Variants in FRS2 observed in about 807,000 individuals in gnomAD.
FRS2 encodes FGFR signalling adaptor.
A neutral mutation model predicts 43.9 loss-of-function variants in FRS2; 8 were observed. The ratio of observed to expected loss-of-function variants is 0.18; its 90% CI spans 0.11 to 0.33. The LOEUF (loss-of-function observed/expected upper bound fraction) is 0.33. Ranked by LOEUF, FRS2 falls within the 10% of genes least tolerant of loss-of-function variation. The probability of loss-of-function intolerance (pLI) is 1.00; values close to 1 mark genes in which losing one functional copy is unlikely to be tolerated. For synonymous variants in FRS2, 219 were observed against 220.3 expected (o/e 0.99, Z 0.05); for missense variants, 534 against 627.6 (o/e 0.85, Z 1.59).
In FRS2 at chr12:69,489,763, A is replaced by G. The variant is rs182569859; in HGVS notation, c.-261+19233A>G. 9.3e-5 allele frequency among the ~76,000 whole-genome samples: 14 copies of G among 149,908 alleles called. No individual in the cohort carries two copies. In the East Asian group the frequency reaches 2.7e-3, roughly 29 times the overall value. ...AGATATGTAAATATCACATATTCTG[A>G]GGTGTTTTTTATATCCTGTTTTCTT... On this transcript the variant is annotated intron_variant, in intron 1 of 8. Transcript: ENST00000549921.
At chr12:69,520,938 T>A (rs181154220) in intron 1 of FRS2, among the ~76,000 whole-genome samples, 1 of 152,204 alleles carries the variant, frequency 6.6e-6, no homozygotes, top group African/African-American at 2.4e-5. Context: ...ATTAAAAAAT[T>A]TTTTTTTCTA....
rs1250970305 is a variant in FRS2 at position 69,470,459 on chromosome 12, A to T, written c.-332A>T. 3.8e-5 allele frequency: 15 copies of T among 398,470 alleles called. No homozygotes were observed. Among genetic ancestry groups the T allele is most frequent in the Non-Finnish European group, 6.6e-5 (15 of 226,066 alleles). The allele number at this position is 398,470 out of a possible 1,614,324, so 24.7% of individuals were successfully genotyped here. ...TCGATCTGCTCCAAGTAGGGGCTCC[A>T]GCGCGGGTCGGAGTCTGGGGGTTCG... On this transcript the variant is annotated 5_prime_UTR_variant, in exon 1 of 9. Transcript: ENST00000549921.
At chr12:69,549,508 A>G (rs1055545385) in intron 3 of FRS2, among the ~76,000 whole-genome samples, 1 of 152,154 alleles carries the variant, frequency 6.6e-6, no homozygotes, top group Non-Finnish European at 1.5e-5. Context: ...TTTTGTTTTT[A>G]GAGACAACAT....
intron 3 of FRS2, among the ~76,000 whole-genome samples, chr12:69,555,392 A>G (rs912960012): frequency 3.3e-5 from 5 of 152,134 alleles, no homozygotes; most frequent in African/African-American, 9.7e-5. Flanking sequence ...TGTCTTTGTC[A>G]TTAAATAGCT....
chr12:69,550,451 G>C (rs1257952610), intron 3 of FRS2, among the ~76,000 whole-genome samples: 1 of 152,204 alleles, frequency 6.6e-6, no homozygotes, highest in Non-Finnish European at 1.5e-5. Flanking sequence ...ATTCAGAGAA[G>C]TTAAGTAAGA....
At chr12:69,565,265 C>T (rs911114362) in intron 4 of FRS2, among the ~76,000 whole-genome samples, 19 of 152,182 alleles carry the variant, frequency 1.2e-4, no homozygotes, top group African/African-American at 4.1e-4. Flanking sequence ...GTATAAGGCA[C>T]TTGCCGTGGA....
At position 69,518,477 on chromosome 12, in the gene FRS2, G is replaced by A. The variant is rs557209252; in HGVS notation, c.-260-12388G>A. ...AATCCTAGCACTTTGGGAGGCCGAG[G>A]TGGCAGATTGCTTGAGCTCAGGAGT... On this transcript the variant is annotated intron_variant, in intron 1 of 8. Transcript: ENST00000549921. 9.9e-5 allele frequency among the ~76,000 whole-genome samples: 15 copies of A among 152,130 alleles called. No individual in the cohort carries two copies. The South Asian group carries it at 2.7e-3, about 27-fold the overall frequency.
intron 3 of FRS2, among the ~76,000 whole-genome samples, chr12:69,547,829 A>G (rs1393969881): frequency 1.1e-5 from 1 of 92,274 alleles, no homozygotes; most frequent in Non-Finnish European, 2.0e-5. Flanking sequence ...ATCCATTAAT[A>G]CTTTTTTTTT....
chr12:69,507,814 C>T (rs535292856), intron 1 of FRS2, among the ~76,000 whole-genome samples: 1 of 151,906 alleles, frequency 6.6e-6, no homozygotes, highest in Non-Finnish European at 1.5e-5. Context: ...CACCTTAGGT[C>T]GAAAGTTCAA....
intron 1 of FRS2, among the ~76,000 whole-genome samples, chr12:69,526,810 G>A (rs1010419159): frequency 2.6e-5 from 4 of 151,482 alleles, no homozygotes; most frequent in Admixed American, 6.6e-5. Context: ...TGCAATCTCC[G>A]CCTCCCAGGT....
chr12:69,490,782 A>G (rs539956190), intron 1 of FRS2, among the ~76,000 whole-genome samples: 4 of 152,334 alleles, frequency 2.6e-5, no homozygotes, highest in Non-Finnish European at 5.9e-5. Context: ...ACTTTTCACT[A>G]AAGAAATAAG....
At chr12:69,564,646 T>A (rs1880136437) in intron 4 of FRS2, among the ~76,000 whole-genome samples, 1 of 152,204 alleles carries the variant, frequency 6.6e-6, no homozygotes, top group Non-Finnish European at 1.5e-5. Flanking sequence ...AATTTATTCT[T>A]TTCTTCTTCA....
chr12:69,570,748 G>T (rs1406653434), intron 6 of FRS2, among the ~76,000 whole-genome samples: 2 of 152,120 alleles, frequency 1.3e-5, no homozygotes, highest in African/African-American at 4.8e-5. Context: ...GTAAATGATT[G>T]GGTCAGCTAA....
chr12:69,520,304 C>A (rs1212909715), intron 1 of FRS2, among the ~76,000 whole-genome samples: 1 of 150,976 alleles, frequency 6.6e-6, no homozygotes, highest in Non-Finnish European at 1.5e-5. Context: ...CTGGATATTA[C>A]AGCTTTGTCA....
In FRS2 at chr12:69,577,265, AC is replaced by A. The variant is rs781267286; in HGVS notation, c.*2311del. The A allele has an allele frequency of 6.6e-6, 1 of 152,174 alleles. No homozygotes were observed. 9.4% of individuals were successfully genotyped at this position (152,174 alleles called of 1,614,324 possible). ...GTCTGCTAAGAATTTGATTTTAGGT[AC>A]TATAAGAGTATTAGGAAAATATATA... On this transcript the variant is annotated 3_prime_UTR_variant, in exon 9 of 9. Coordinates refer to ENST00000549921, the MANE Select transcript of FRS2 (RefSeq NM_001278356.2).
intron 1 of FRS2, among the ~76,000 whole-genome samples, chr12:69,520,018 T>C (rs1313093984): frequency 6.6e-6 from 1 of 152,236 alleles, no homozygotes; most frequent in Non-Finnish European, 1.5e-5. Context: ...TAATTTACAC[T>C]CTCACCAACT....
intron 3 of FRS2, among the ~76,000 whole-genome samples, chr12:69,534,782 C>T (rs920048777): frequency 1.3e-5 from 2 of 152,250 alleles, no homozygotes; most frequent in Admixed American, 1.3e-4. Flanking sequence ...ATGTAAGCCA[C>T]AGGCTTACAG....
chr12:69,538,956 A>AC (rs1188085452), intron 3 of FRS2, among the ~76,000 whole-genome samples: 18 of 152,106 alleles, frequency 1.2e-4, no homozygotes, highest in African/African-American at 4.1e-4. Flanking sequence ...ATGCCATGAC[A>AC]CCCCGGTAGC....
At chr12:69,546,761 C>G (rs969230893) in intron 3 of FRS2, among the ~76,000 whole-genome samples, 1 of 152,090 alleles carries the variant, frequency 6.6e-6, no homozygotes, top group African/African-American at 2.4e-5. Flanking sequence ...AATTGGAAAC[C>G]TTATGCACTG....
Sources: gnomAD v4.1 joint callset for allele counts (sites outside exome capture counted in the v4.1 genomes callset) on GRCh38, gnomAD v4.1.1 for gene constraint, MANE v1.5 for transcripts, NCBI Gene and HGNC (gene_info 2026-07-23, HGNC 2026-07-21) for gene names.